The following MYO3B variants were observed in gnomAD, a reference collection of about 807,000 sequenced individuals.
MYO3B encodes the protein myosin-IIIb.
MYO3B carries 156 observed loss-of-function variants against 174.6 expected under a neutral mutation model. That is an observed-to-expected ratio of 0.89 (90% CI 0.78 to 1.02). The LOEUF is 1.02. Among genes scored for constraint, MYO3B ranks in the 50% least tolerant of loss-of-function variants. The probability of loss-of-function intolerance (pLI) is 0.00; values close to 1 mark genes in which losing one functional copy is unlikely to be tolerated. For synonymous variants in MYO3B, 563 were observed against 569.1 expected (o/e 0.99, Z 0.15); for missense variants, 1,632 against 1,639.4 (o/e 1.00, Z 0.08).
At chr2:170,463,253 T>C (rs932098955) in intron 23 of MYO3B, 115 bp from the exon 24 acceptor site, 12 of 761,770 alleles carry the variant, frequency 1.6e-5, no homozygotes, top group Admixed American at 2.4e-5. Context: ...TATTGTGTCC[T>C]AAATACCATG....
At chr2:170,509,461 A>G (rs1419628476) in intron 28 of MYO3B, among the ~76,000 whole-genome samples, 1 of 152,248 alleles carries the variant, frequency 6.6e-6, no homozygotes, top group Non-Finnish European at 1.5e-5. Context: ...TTACAGTAAA[A>G]TCTTTGTAAA....
chr2:170,230,617 T>C (rs968246932), intron 6 of MYO3B, among the ~76,000 whole-genome samples: 2 of 151,612 alleles, frequency 1.3e-5, no homozygotes, highest in African/African-American at 4.9e-5. Context: ...TATTTATTTA[T>C]ATTTTCAAGA....
At chr2:170,286,532 A>G (rs952562959) in intron 7 of MYO3B, among the ~76,000 whole-genome samples, 3 of 152,086 alleles carry the variant, frequency 2.0e-5, no homozygotes. Context: ...CTTCCTTCTC[A>G]AAAATTATTA....
chr2:170,534,569 C>T (rs566566155), intron 30 of MYO3B, among the ~76,000 whole-genome samples: 4 of 152,200 alleles, frequency 2.6e-5, no homozygotes, highest in Non-Finnish European at 2.9e-5. Context: ...TTTTAGCCAC[C>T]GAAGTAGCTG....
intron 25 of MYO3B, among the ~76,000 whole-genome samples, chr2:170,473,139 C>CTT (rs66837903): frequency 0.01 from 1,004 of 96,410 alleles, 71 homozygotes; most frequent in Non-Finnish European, 0.016. Flanking sequence ...TTTTTCTTTT[C>CTT]TTTTTTTTTT....
At chr2:170,521,748 GTCCT>G (rs1196242002) in intron 30 of MYO3B, among the ~76,000 whole-genome samples, 1 of 151,998 alleles carries the variant, frequency 6.6e-6, no homozygotes, top group Non-Finnish European at 1.5e-5. Flanking sequence ...CCCTTGGCCT[GTCCT>G]TCCTTCTTTT....
intron 32 of MYO3B, among the ~76,000 whole-genome samples, chr2:170,642,029 G>C (rs1271879064): frequency 1.3e-5 from 2 of 151,966 alleles, no homozygotes; most frequent in Non-Finnish European, 2.9e-5. Flanking sequence ...TCTTTGAAAC[G>C]CCTCTGGACA....
intron 3 of MYO3B, among the ~76,000 whole-genome samples, chr2:170,204,304 A>G (rs2092693766): frequency 6.6e-6 from 1 of 152,224 alleles, no homozygotes; most frequent in South Asian, 2.1e-4. Context: ...TTATCTGTAG[A>G]ACCCAACACC....
intron 14 of MYO3B, among the ~76,000 whole-genome samples, chr2:170,389,422 A>T (rs2105760740): frequency 6.6e-6 from 1 of 152,312 alleles, no homozygotes; most frequent in South Asian, 2.1e-4. Flanking sequence ...CCCACCGCTG[A>T]CCTGCCATGG....
At chr2:170,627,754 GTTTTCCTT>G (rs1259631941) in intron 32 of MYO3B, among the ~76,000 whole-genome samples, 3 of 150,918 alleles carry the variant, frequency 2.0e-5, no homozygotes, top group African/African-American at 7.2e-5. Context: ...CTGTTTGTTA[GTTTTCCTT>G]CTAACAGTCA....
At chr2:170,551,655 T>C (rs1208677379) in intron 32 of MYO3B, among the ~76,000 whole-genome samples, 1 of 150,182 alleles carries the variant, frequency 6.7e-6, no homozygotes, top group Non-Finnish European at 1.5e-5. Context: ...AGACAGATTA[T>C]AGTTGTCTTA....
At chr2:170,540,288 C>T (rs1485509524) in intron 30 of MYO3B, among the ~76,000 whole-genome samples, 1 of 151,950 alleles carries the variant, frequency 6.6e-6, no homozygotes, top group Non-Finnish European at 1.5e-5. Flanking sequence ...CATGTCACTG[C>T]ACTCTAGCCT....
chr2:170,594,141 C>A (rs1334343436), intron 32 of MYO3B, among the ~76,000 whole-genome samples: 1 of 152,160 alleles, frequency 6.6e-6, no homozygotes, highest in Non-Finnish European at 1.5e-5. Context: ...AATCAACTAT[C>A]TCCCTGATCA....
intron 32 of MYO3B, among the ~76,000 whole-genome samples, chr2:170,588,059 G>T (rs1246845359): frequency 6.6e-6 from 1 of 152,078 alleles, no homozygotes; most frequent in East Asian, 1.9e-4. Flanking sequence ...GTCTTGGTTG[G>T]GGGGAGTGTT....
chr2:170,447,630 G>A (rs1023658140), intron 23 of MYO3B, among the ~76,000 whole-genome samples: 2 of 152,200 alleles, frequency 1.3e-5, no homozygotes, highest in African/African-American at 4.8e-5. Flanking sequence ...ACATCGGGTG[G>A]TGTAACCACC....
At chr2:170,548,676 T>G (rs2106219443) in intron 32 of MYO3B, among the ~76,000 whole-genome samples, 1 of 152,334 alleles carries the variant, frequency 6.6e-6, no homozygotes, top group East Asian at 1.9e-4. Context: ...TAAAATTACC[T>G]TTCATATTGA....
At chr2:170,569,766 A>G (rs56171198) in intron 32 of MYO3B, among the ~76,000 whole-genome samples, 62,104 of 151,120 alleles carry the variant, frequency 0.41, 13,082 homozygotes, top group Non-Finnish European at 0.45. Context: ...GGAGGCTGAG[A>G]CAGGAGAATC....
At chr2:170,558,447 C>T (rs1232810069) in intron 32 of MYO3B, among the ~76,000 whole-genome samples, 1 of 152,120 alleles carries the variant, frequency 6.6e-6, no homozygotes, top group African/African-American at 2.4e-5. Context: ...GATTATGACT[C>T]TCTTCCTGCA....
At chr2:170,343,880 A>G (rs1434581298) in intron 8 of MYO3B, 1 of 152,274 alleles carries the variant, frequency 6.6e-6, no homozygotes, top group East Asian at 1.9e-4. Context: ...AATAATAACT[A>G]GTTGGGATTA....
Sources: allele counts gnomAD v4.1 joint callset (sites outside exome capture counted in the v4.1 genomes callset), GRCh38; gene constraint gnomAD v4.1.1; transcripts MANE v1.5; gene names NCBI Gene and HGNC (gene_info 2026-07-23, HGNC 2026-07-21).